SMARCD3: variants seen among roughly 807,000 people sequenced by gnomAD.
SMARCD3 encodes the protein SWI/SNF related BAF chromatin remodeling complex subunit D3, also known as SWI/SNF-related matrix-associated actin-dependent regulator of chromatin subfamily D member 3.
In SMARCD3, 14 loss-of-function variants were observed where a neutral mutation model predicts 58.0. The ratio of observed to expected loss-of-function variants is 0.24; its 90% CI spans 0.16 to 0.38. The LOEUF is 0.38. Among genes scored for constraint, SMARCD3 ranks in the 10% least tolerant of loss-of-function variants. SMARCD3 has a pLI of 1.00. For missense variants in SMARCD3, 408 were observed against 636.9 expected (o/e 0.64, Z 3.87); for synonymous variants, 253 against 253.8 (o/e 1.00, Z 0.03).
chr7:151,271,993 G>C (rs1368299285), intron 2 of SMARCD3, among the ~76,000 whole-genome samples: 5 of 152,172 alleles, frequency 3.3e-5, no homozygotes, highest in African/African-American at 1.2e-4. Context: ...CCTGAAGGTA[G>C]CAATGCATTC....
chr7:151,269,423 C>T (rs1029341181), intron 2 of SMARCD3, among the ~76,000 whole-genome samples: 4 of 152,242 alleles, frequency 2.6e-5, no homozygotes, highest in Admixed American at 6.5e-5. Context: ...CTCTCTCCTG[C>T]GCCCTGCTGG....
chr7:151,269,238 T>C (rs1482068637), intron 2 of SMARCD3, among the ~76,000 whole-genome samples: 1 of 151,932 alleles, frequency 6.6e-6, no homozygotes, highest in African/African-American at 2.4e-5. Flanking sequence ...CTGGGCAGAG[T>C]GGAGTGGGTG....
chr7:151,260,190 C>G (rs1243616421), intron 2 of SMARCD3, among the ~76,000 whole-genome samples: 4 of 152,178 alleles, frequency 2.6e-5, no homozygotes, highest in African/African-American at 9.7e-5. Flanking sequence ...GCTGCCTCCC[C>G]AGTGTCCCCG....
At chr7:151,253,932 C>T (rs1404219938) in intron 2 of SMARCD3, among the ~76,000 whole-genome samples, 3 of 152,198 alleles carry the variant, frequency 2.0e-5, no homozygotes, top group African/African-American at 7.2e-5. Context: ...CACTCAGAAC[C>T]ATCCTCACTC....
At chr7:151,268,832 G>A (rs2150615423) in intron 2 of SMARCD3, among the ~76,000 whole-genome samples, 1 of 152,150 alleles carries the variant, frequency 6.6e-6, no homozygotes, top group East Asian at 1.9e-4. Flanking sequence ...TTGAACTCCT[G>A]GCTTCAGGCG....
upstream of SMARCD3, among the ~76,000 whole-genome samples, chr7:151,250,482 C>T (rs1308164546): frequency 6.6e-6 from 1 of 151,792 alleles, no homozygotes; most frequent in Non-Finnish European, 1.5e-5. Context: ...CGCTCACTCC[C>T]ATTTCTTAGC....
intron 2 of SMARCD3, among the ~76,000 whole-genome samples, chr7:151,255,152 C>T (rs1005237881): frequency 2.6e-5 from 4 of 152,182 alleles, no homozygotes; most frequent in Admixed American, 2.0e-4. Context: ...CATCAGTCAC[C>T]ACAGAAAGCC....
intron 2 of SMARCD3, among the ~76,000 whole-genome samples, chr7:151,258,591 A>C (rs1282786875): frequency 1.3e-5 from 2 of 151,550 alleles, no homozygotes; most frequent in African/African-American, 4.8e-5. Flanking sequence ...GAAAAAGAAA[A>C]AGAAAAAGGG....
intron 2 of SMARCD3, among the ~76,000 whole-genome samples, chr7:151,273,462 C>T (rs1795239874): frequency 6.6e-6 from 1 of 152,226 alleles, no homozygotes; most frequent in Non-Finnish European, 1.5e-5. Flanking sequence ...CTCCAGGAAG[C>T]TTAGCTGCCT....
chr7:151,248,429 T>A lies in SMARCD3; in HGVS notation c.78+56A>T. On this transcript the variant is annotated intron_variant, in intron 1 of 12. Coordinates refer to ENST00000262188, the MANE Select transcript of SMARCD3 (RefSeq NM_001003801.2). This position sits in a 1 kb window ranked among gnomAD's most constrained non-coding sequence, Gnocchi z 6.1. ...CCTCCCGGCCCCTCCCGATCAGCCC[T>A]CCATTCAGCCCGAGCCAGCTCGCTT... is the stretch of plus-strand genomic sequence containing the variant. 1 of 1,410,036 alleles carries A rather than the reference T, an allele frequency of 7.1e-7. No individual in the cohort carries two copies. Among genetic ancestry groups the A allele is most frequent in the Non-Finnish European group, 1.0e-6 (1 of 1,002,160 alleles). The allele number at this position is 1,410,036 out of a possible 1,614,324, so 87.3% of individuals were successfully genotyped here.
In SMARCD3 at chr7:151,241,468, C is replaced by G; in HGVS notation, c.939+24G>C. ...GGAGAACTCCGCCTGCTCCCCAGAT[C>G]CCAGGGTTCAGGAGAGAGGTTACCT... is the stretch of plus-strand genomic sequence containing the variant. On this transcript the variant is annotated intron_variant, in intron 8 of 12. Transcript: ENST00000262188. This position sits in a 1 kb window ranked among gnomAD's most constrained non-coding sequence, Gnocchi z 5.3. 6.2e-7 allele frequency: 1 copy of G among 1,605,560 alleles called. No homozygotes were observed. The highest frequency in any genetic ancestry group is 8.5e-7 in the Non-Finnish European group (1 of 1,175,304).
Position 151,239,066 on chromosome 7 carries a change from G to A in SMARCD3, c.*37C>T, listed in dbSNP as rs376031235. 1.5e-4 allele frequency: 249 copies of A among 1,608,422 alleles called. No individual in the cohort carries two copies. Among genetic ancestry groups the A allele is most frequent in the Non-Finnish European group, 1.8e-4 (215 of 1,174,862 alleles). ...GGCAAAATGCTGGGGCCCGGGACAC[G>A]GCTGAAAGTTCCGTCGTGCTGCTTA... is the stretch of plus-strand genomic sequence containing the variant. On this transcript the variant is annotated 3_prime_UTR_variant, in exon 13 of 13. Coordinates refer to ENST00000262188, the MANE Select transcript of SMARCD3 (RefSeq NM_001003801.2). This position sits in a 1 kb window ranked among gnomAD's most constrained non-coding sequence, Gnocchi z 7.0.
intron 2 of SMARCD3, among the ~76,000 whole-genome samples, chr7:151,244,824 T>C (rs1803176336): frequency 6.6e-6 from 1 of 152,206 alleles, no homozygotes; most frequent in South Asian, 2.1e-4. Flanking sequence ...GGCACTGCTG[T>C]TGCCAGGAGC....
Position 151,243,591 on chromosome 7 carries a change from G to T in SMARCD3, c.333+68C>A, listed in dbSNP as rs530212016. On this transcript the variant is annotated intron_variant, in intron 3 of 12. Transcript: ENST00000262188. This position sits in a 1 kb window ranked among gnomAD's most constrained non-coding sequence, Gnocchi z 4.4. Reference sequence around the variant, plus strand: ...TGTGATGCTGAAGCTCTGCTTCTGAGGGGGGAGGGGAGGGCGGAGCAGCAA... The same window carrying T: ...TGTGATGCTGAAGCTCTGCTTCTGATGGGGGAGGGGAGGGCGGAGCAGCAA... 10 of 859,610 alleles carry T rather than the reference G, an allele frequency of 1.2e-5. No homozygotes were observed. Among genetic ancestry groups the T allele is most frequent in the Middle Eastern group, 3.3e-4 (1 of 3,018 alleles). The allele number at this position is 859,610 out of a possible 1,614,324, so 53.2% of individuals were successfully genotyped here. A position where few individuals can be genotyped will look rare whatever the true frequency, so the allele number is the denominator to read the frequency against.
At chr7:151,255,854 A>G (rs1204162999) in intron 2 of SMARCD3, among the ~76,000 whole-genome samples, 3 of 151,106 alleles carry the variant, frequency 2.0e-5, no homozygotes, top group African/African-American at 4.9e-5. Context: ...CACATAACAC[A>G]ATTGACCATT....
At position 151,270,523 on chromosome 7, in the gene SMARCD3, G is replaced by A. The variant is rs1273941682; in HGVS notation, c.39+4591C>T. Among the ~76,000 whole-genome samples the A allele has an allele frequency of 7.2e-5, 11 of 152,340 alleles. No individual in the cohort carries two copies. In the East Asian group the frequency reaches 2.1e-3, roughly 29 times the overall value. On this transcript the variant is annotated intron_variant, in intron 2 of 13. Transcript: ENST00000356800. The stretch of plus-strand genomic sequence containing the variant: ...AACTCAGTATTAGCCTCTTTGGTAG[G>A]TGCTGCAAGACAGAAGAGAGTGGGT...
chr7:151,257,248 A>C (rs1010473362), intron 2 of SMARCD3, among the ~76,000 whole-genome samples: 4 of 152,048 alleles, frequency 2.6e-5, no homozygotes, highest in Non-Finnish European at 5.9e-5. Context: ...CAGTAGCAAC[A>C]AAACTTCTGA....
Position 151,243,440 on chromosome 7 carries a change from A to C in SMARCD3, c.333+219T>G, listed in dbSNP as rs529102001. 2.0e-5 allele frequency among the ~76,000 whole-genome samples: 3 copies of C among 151,460 alleles called. No individual in the cohort carries two copies. The highest frequency in any genetic ancestry group is 2.9e-5 in the Non-Finnish European group (2 of 67,812). On this transcript the variant is annotated intron_variant, in intron 3 of 12. Coordinates refer to ENST00000262188, the MANE Select transcript of SMARCD3 (RefSeq NM_001003801.2). This position sits in a 1 kb window ranked among gnomAD's most constrained non-coding sequence, Gnocchi z 4.4. ...AGCTCTATAGTACCACTTGGATCAA[A>C]CCCCCTGACAGGCCCCTGTGTTCTG...
chr7:151,255,781 C>A (rs1803678745), intron 2 of SMARCD3, among the ~76,000 whole-genome samples: 1 of 152,162 alleles, frequency 6.6e-6, no homozygotes, highest in South Asian at 2.1e-4. Flanking sequence ...CACCACTCTG[C>A]ACCCCTCCCC....
Sources: gnomAD v4.1 joint callset for allele counts (sites outside exome capture counted in the v4.1 genomes callset) on GRCh38, gnomAD v4.1.1 for gene constraint, Gnocchi (gnomAD v3.1) non-coding constraint, MANE v1.5 for transcripts, NCBI Gene and HGNC (gene_info 2026-07-23, HGNC 2026-07-21) for gene names.